Variants in APOBEC3B observed in about 807,000 individuals in gnomAD.
The protein encoded by APOBEC3B is DNA dC->dU-editing enzyme APOBEC-3B.
A neutral mutation model predicts 53.4 loss-of-function variants in APOBEC3B; 29 were observed. The observed-to-expected ratio is 0.54, with a 90% CI of 0.40 to 0.74. APOBEC3B has a LOEUF of 0.74. Among genes scored for constraint, APOBEC3B ranks in the 30% least tolerant of loss-of-function variants. The probability of loss-of-function intolerance (pLI) is 0.00; values close to 1 mark genes in which losing one functional copy is unlikely to be tolerated. For synonymous variants in APOBEC3B, 132 were observed against 184.8 expected, an observed-to-expected ratio of 0.71 and a Z score of 2.32; for missense variants, 347 against 496.2, an observed-to-expected ratio of 0.70 and a Z score of 2.86.
At chr22:38,990,395 C>T (rs2146293750) in intron 5 of APOBEC3B, among the ~76,000 whole-genome samples, 1 of 147,520 alleles carries the variant, frequency 6.8e-6, no homozygotes, top group East Asian at 2.3e-4. Flanking sequence ...TCCACTTCAC[C>T]CTGCATCCCC....
chr22:38,986,238 C>T (rs115285916), intron 3 of APOBEC3B, 60 bp from the exon 4 acceptor site: 1 of 1,588,624 alleles, frequency 6.3e-7, no homozygotes, highest in Non-Finnish European at 8.5e-7. Context: ...GGAGACCAGG[C>T]CTGGGAGGAC....
Position 38,992,116 on chromosome 22 carries a change from A to T in APOBEC3B, c.1101A>T (p.Gln367His). 1.3e-6 allele frequency: 2 copies of T among 1,592,938 alleles called. No individual in the cohort carries two copies. Among genetic ancestry groups the T allele is most frequent in the Non-Finnish European group, 1.7e-6 (2 of 1,172,544 alleles). Residue 367 changes from glutamine (Q) to histidine (H), a missense_variant, in exon 7 of 8, where the codon CAA (glutamine) becomes CAT (histidine). By Grantham distance (24) the Gln-to-His change is conservative. Around this residue, in one of 5 missense-constraint regions of APOBEC3B, gnomAD observed 78 missense variants for 103.9 expected, o/e 0.75. Coordinates refer to ENST00000333467, the MANE Select transcript of APOBEC3B (RefSeq NM_004900.5). ...GGGATGGACTAGAGGAGCACAGCCA[A>T]GCCCTGAGTGGGAGGCTGCGGGCCA... ...QPWDGLEEHS[Q>H]ALSGRLRAIL...
chr22:38,989,223 G>A (rs1365247126), intron 4 of APOBEC3B, among the ~76,000 whole-genome samples: 4 of 148,266 alleles, frequency 2.7e-5, no homozygotes, highest in African/African-American at 4.9e-5. Flanking sequence ...TGACCCTGGG[G>A]AGACCCTGAC....
intron 4 of APOBEC3B, among the ~76,000 whole-genome samples, chr22:38,988,711 T>TTCTCTCTCTCTC (rs1163118745): frequency 9.1e-6 from 1 of 109,582 alleles, no homozygotes; most frequent in Non-Finnish European, 1.9e-5. Flanking sequence ...CTTTCTTTCT[T>TTCTCTCTCTCTC]TCTTTCTTTC....
At chr22:38,986,947 G>A (rs951542176) in intron 4 of APOBEC3B, among the ~76,000 whole-genome samples, 7 of 148,442 alleles carry the variant, frequency 4.7e-5, no homozygotes, top group Non-Finnish European at 8.9e-5. Flanking sequence ...GGACGGGGGG[G>A]GTCCCTGGGA....
chr22:38,982,743 C>A (rs1923584017), intron 1 of APOBEC3B, among the ~76,000 whole-genome samples: 1 of 148,862 alleles, frequency 6.7e-6, no homozygotes, highest in African/African-American at 2.4e-5. Context: ...GTGCTCCCCG[C>A]CCTGGGAGGG....
intron 6 of APOBEC3B, 29 bp from the exon 7 acceptor site, chr22:38,992,005 C>G (rs114849305): frequency 6.5e-7 from 1 of 1,545,432 alleles, no homozygotes; most frequent in Non-Finnish European, 8.7e-7. Flanking sequence ...ACAACAGGAG[C>G]GTGACTTATC....
chr22:38,982,402 A>C lies in APOBEC3B; in HGVS notation c.-52A>C. ...CGCTGTAAGCAGGAAGTGAAACCAC[A>C]GAGCTTCAAAAAAAGAGCGGGACAG... On this transcript the variant is annotated 5_prime_UTR_variant, in exon 1 of 8. Coordinates refer to ENST00000333467, the MANE Select transcript of APOBEC3B (RefSeq NM_004900.5). The C allele has an allele frequency of 7.5e-6, 12 of 1,590,026 alleles. No homozygotes were observed. Among genetic ancestry groups the C allele is most frequent in the Non-Finnish European group, 1.0e-5 (12 of 1,169,744 alleles).
chr22:38,992,583 TG>T lies in APOBEC3B; in HGVS notation c.*139del. ...AGACACCAGCAAAGCAATGTGCTCC[TG>T]ATCAAGTAGATTTTTTAAAAATCAG... On this transcript the variant is annotated 3_prime_UTR_variant, in exon 8 of 8. Coordinates refer to ENST00000333467, the MANE Select transcript of APOBEC3B (RefSeq NM_004900.5). 1 of 1,574,008 alleles carries T rather than the reference TG, an allele frequency of 6.4e-7. No homozygotes were observed. Among genetic ancestry groups the T allele is most frequent in the Non-Finnish European group, 8.6e-7 (1 of 1,159,222 alleles).
At chr22:38,987,487 C>T (rs1224156667) in intron 4 of APOBEC3B, among the ~76,000 whole-genome samples, 1 of 148,708 alleles carries the variant, frequency 6.7e-6, no homozygotes, top group African/African-American at 2.4e-5. Flanking sequence ...GTATATGCTT[C>T]CCACCATTCC....
chr22:38,990,782 ACACT>A (rs1311367410), intron 5 of APOBEC3B, among the ~76,000 whole-genome samples: 2 of 145,646 alleles, frequency 1.4e-5, no homozygotes, highest in Non-Finnish European at 3.0e-5. Flanking sequence ...TGAAGGAAGC[ACACT>A]CACTCAGGGG....
At position 38,992,631 on chromosome 22, in the gene APOBEC3B, A is replaced by T. The variant is rs1924058869; in HGVS notation, c.*186A>T. 1.1e-5 allele frequency: 16 copies of T among 1,457,850 alleles called. No individual in the cohort carries two copies. The highest frequency in any genetic ancestry group is 1.5e-5 in the Non-Finnish European group (16 of 1,089,812). The allele number at this position is 1,457,850 out of a possible 1,614,324, so 90.3% of individuals were successfully genotyped here. Reference sequence around the variant, plus strand: ...TCAGAGTCAATTAATTTTAATTGAAAATTTCTCTTATGTTCCAAGTGTACA... The same window carrying T: ...TCAGAGTCAATTAATTTTAATTGAATATTTCTCTTATGTTCCAAGTGTACA... On this transcript the variant is annotated 3_prime_UTR_variant, in exon 8 of 8. Transcript: ENST00000333467.
chr22:38,983,021 T>G (rs1923593946), intron 1 of APOBEC3B, among the ~76,000 whole-genome samples: 1 of 148,314 alleles, frequency 6.7e-6, no homozygotes, highest in Non-Finnish European at 1.5e-5. Context: ...TCTTCATCTT[T>G]TAGAACATGA....
chr22:38,983,753 G>A (rs1438665585), intron 1 of APOBEC3B, among the ~76,000 whole-genome samples: 1 of 149,214 alleles, frequency 6.7e-6, no homozygotes, highest in East Asian at 2.2e-4. Context: ...TTTTTTAGGG[G>A]TGAAGGGTTT....
rs1328740277 is a variant in APOBEC3B, at chr22:38,989,587, C to T, written c.700C>T (p.His234Tyr). Reference protein sequence around the residue: ...DNGTWVLMDQHMGFLCNEAKN... With the variant: ...DNGTWVLMDQYMGFLCNEAKN... ...TGGCACCTGGGTCCTGATGGACCAG[C>T]ACATGGGCTTTCTATGCAACGAGGT... Residue 234 changes from histidine to tyrosine, a missense_variant, in exon 5 of 8, where the codon CAC (histidine) becomes TAC (tyrosine). His to Tyr is a moderately conservative substitution (Grantham distance 83). This residue lies in a region of APOBEC3B where 156 missense variants were observed against 166.7 expected (regional missense o/e 0.94). Transcript: ENST00000333467. 2 of 1,579,610 alleles carry T rather than the reference C, an allele frequency of 1.3e-6. No individual in the cohort carries two copies. Among genetic ancestry groups the T allele is most frequent in the South Asian group, 1.1e-5 (1 of 87,744 alleles).
intron 3 of APOBEC3B, 32 bp downstream of exon 3, chr22:38,986,123 C>A (rs368467381): frequency 1.3e-6 from 2 of 1,583,994 alleles, no homozygotes; most frequent in Admixed American, 1.8e-5. Context: ...GGAGCGTGAG[C>A]GGGAGGAACA....
At chr22:38,988,745 C>CTT (rs1212781511) in intron 4 of APOBEC3B, among the ~76,000 whole-genome samples, 1 of 114,354 alleles carries the variant, frequency 8.7e-6, no homozygotes, top group African/African-American at 3.7e-5. Flanking sequence ...TTCTTTCTTT[C>CTT]TTCCTTTCTT....
Position 38,989,548 on chromosome 22 carries a change from G to T in APOBEC3B, c.661G>T (p.Glu221Ter). 9 of 1,589,656 alleles carry T rather than the reference G, an allele frequency of 5.7e-6. No homozygotes were observed. The highest frequency in any genetic ancestry group is 7.7e-6 in the Non-Finnish European group (9 of 1,169,942). Residue 221 changes from glutamate to a stop codon, truncating the protein, a stop_gained, in exon 5 of 8, where the codon GAG becomes TAG. Coordinates refer to ENST00000333467, the MANE Select transcript of APOBEC3B (RefSeq NM_004900.5). LOFTEE classifies it high-confidence loss of function. Reference protein sequence around the residue: ...RRQTYLCYEVERLDNGTWVLM... With the variant: ...RRQTYLCYEV ...CCAGACCTACTTGTGCTATGAGGTG[G>T]AGCGCCTGGACAATGGCACCTGGGT... is the stretch of plus-strand genomic sequence containing the variant.
intron 6 of APOBEC3B, 75 bp downstream of exon 6, chr22:38,991,701 C>G: frequency 1.4e-6 from 2 of 1,413,114 alleles, no homozygotes; most frequent in Non-Finnish European, 1.9e-6. Flanking sequence ...GGAGAAAGGC[C>G]TTGGTCTGCT....
Sources: gnomAD v4.1 joint callset for allele counts (sites outside exome capture counted in the v4.1 genomes callset) on GRCh38, gnomAD v4.1.1 for gene constraint, gnomAD v4.1.1 regional missense constraint, MANE v1.5 for transcripts, NCBI Gene and HGNC (gene_info 2026-07-23, HGNC 2026-07-21) for gene names.